PSD3: variants seen among roughly 807,000 people sequenced by gnomAD.
PSD3 encodes the protein PH and SEC7 domain-containing protein 3.
Under a neutral mutation model 105.5 loss-of-function variants are expected in PSD3, and 49 were observed. That is an observed-to-expected ratio of 0.46 (90% CI 0.37 to 0.59). PSD3 has a LOEUF of 0.59. PSD3 is among the 20% of genes least tolerant of loss of function. The probability of loss-of-function intolerance (pLI) is 0.00; values close to 1 mark genes in which losing one functional copy is unlikely to be tolerated. For missense variants in PSD3, 1,561 were observed against 1,263.8 expected, an observed-to-expected ratio of 1.24 and a Z score of -3.57; for synonymous variants, 557 against 457.8, an observed-to-expected ratio of 1.22 and a Z score of -2.77.
At chr8:18,693,275 C>T (rs1801071628) in intron 9 of PSD3, among the ~76,000 whole-genome samples, 1 of 152,218 alleles carries the variant, frequency 6.6e-6, no homozygotes, top group Admixed American at 6.5e-5. Flanking sequence ...TACTCTGCCT[C>T]ATCCAAATTT....
At chr8:18,908,370 T>A (rs1034050049) in intron 2 of PSD3, among the ~76,000 whole-genome samples, 1 of 152,218 alleles carries the variant, frequency 6.6e-6, no homozygotes, top group Non-Finnish European at 1.5e-5. Flanking sequence ...TAGTCAATAA[T>A]CTACTATCCT....
intron 14 of PSD3, among the ~76,000 whole-genome samples, chr8:18,562,312 T>C (rs557381762): frequency 1.3e-5 from 2 of 152,244 alleles, no homozygotes; most frequent in South Asian, 4.1e-4. Context: ...AAGATGGAGA[T>C]CCAGAGAGTT....
intron 1 of PSD3, among the ~76,000 whole-genome samples, chr8:18,961,209 G>A: frequency 6.6e-6 from 1 of 152,154 alleles, no homozygotes; most frequent in East Asian, 1.9e-4. Flanking sequence ...TAAATCTGAA[G>A]AACTCTTAAT....
At chr8:18,696,700 C>A (rs943065662) in intron 9 of PSD3, among the ~76,000 whole-genome samples, 1 of 152,116 alleles carries the variant, frequency 6.6e-6, no homozygotes, top group Non-Finnish European at 1.5e-5. Flanking sequence ...ATAAGAAATA[C>A]TCCATTTTTA....
chr8:18,599,984 C>T (rs1284336213), intron 12 of PSD3, among the ~76,000 whole-genome samples: 1 of 152,170 alleles, frequency 6.6e-6, no homozygotes, highest in Non-Finnish European at 1.5e-5. Flanking sequence ...TCACTGTTCT[C>T]TGGGGCTAGT....
chr8:18,551,411 T>A (rs1040571641), intron 15 of PSD3, among the ~76,000 whole-genome samples: 1 of 152,238 alleles, frequency 6.6e-6, no homozygotes, highest in Non-Finnish European at 1.5e-5. Flanking sequence ...GAATAGAATG[T>A]ATTCTTTTTT....
At chr8:18,837,626 C>T (rs9325843) in intron 4 of PSD3, among the ~76,000 whole-genome samples, 74,056 of 151,814 alleles carry the variant, frequency 0.49, 18,245 homozygotes, top group African/African-American at 0.51. Context: ...TAGATAGTAA[C>T]TGAAATGAGA....
At chr8:18,639,810 C>T (rs1432566743) in intron 10 of PSD3, among the ~76,000 whole-genome samples, 1 of 152,130 alleles carries the variant, frequency 6.6e-6, no homozygotes, top group Non-Finnish European at 1.5e-5. Context: ...GCTACCTCAC[C>T]ACAGCTTCAG....
chr8:18,902,810 G>A (rs142025973), intron 2 of PSD3, among the ~76,000 whole-genome samples: 13 of 152,304 alleles, frequency 8.5e-5, no homozygotes, highest in South Asian at 2.1e-4. Context: ...CCTCAGTGGC[G>A]TATGTTGTAG....
intron 1 of PSD3, among the ~76,000 whole-genome samples, chr8:19,033,358 G>T (rs574149516): frequency 6.6e-6 from 1 of 152,022 alleles, no homozygotes; most frequent in South Asian, 2.1e-4. Flanking sequence ...ATTGATTATA[G>T]AACAGCTAAC....
intron 9 of PSD3, among the ~76,000 whole-genome samples, chr8:18,676,914 T>C (rs1475096328): frequency 6.6e-6 from 1 of 152,176 alleles, no homozygotes; most frequent in African/African-American, 2.4e-5. Flanking sequence ...CCATGTTAAT[T>C]TCCATTACAT....
At chr8:18,902,622 G>C (rs186540340) in intron 2 of PSD3, among the ~76,000 whole-genome samples, 188 of 151,972 alleles carry the variant, frequency 1.2e-3, no homozygotes, top group African/African-American at 4.0e-3. Context: ...ATGTCTGGTG[G>C]AACGGTAGCC....
At chr8:18,621,073 C>G (rs1806077719) in intron 11 of PSD3, among the ~76,000 whole-genome samples, 1 of 152,110 alleles carries the variant, frequency 6.6e-6, no homozygotes, top group African/African-American at 2.4e-5. Flanking sequence ...TTTTTTGGTG[C>G]TATAAGATTG....
rs558951810 is a variant in PSD3, at chr8:18,769,443, G to T, written c.2083-3905C>A. Among the ~76,000 whole-genome samples the T allele has an allele frequency of 3.9e-5, 6 of 152,252 alleles. 1 individual carries two copies. The highest frequency in any genetic ancestry group is 1.4e-4 in the African/African-American group (6 of 41,552). On this transcript the variant is annotated intron_variant, in intron 8 of 15. Transcript: ENST00000327040. ...AAAAAGTGTGTTAATTTTGTTACAT[G>T]ATGATAGCATCAACTACTATAACTT...
At chr8:18,612,396 C>T (rs1055465689) in intron 11 of PSD3, among the ~76,000 whole-genome samples, 17 of 151,442 alleles carry the variant, frequency 1.1e-4, no homozygotes, top group Admixed American at 2.0e-4. Context: ...TCTTTTGAGA[C>T]GGAGTCTTGC....
At chr8:18,960,124 T>C (rs926853821) in intron 1 of PSD3, among the ~76,000 whole-genome samples, 6 of 152,228 alleles carry the variant, frequency 3.9e-5, no homozygotes, top group Admixed American at 2.6e-4. Flanking sequence ...TCTCGTATAC[T>C]GATAGCAGTT....
intron 2 of PSD3, among the ~76,000 whole-genome samples, chr8:18,907,979 T>C (rs1819957266): frequency 1.3e-5 from 2 of 152,230 alleles, no homozygotes; most frequent in Non-Finnish European, 2.9e-5. Context: ...AAATTTTAAG[T>C]ATGCAACGTG....
chr8:18,568,608 G>A lies in PSD3; in HGVS notation c.2784+3920C>T, dbSNP rs527948535. ...AAGGTCTCTCAAGCACTTTCACTAC[G>A]ATCCATTTCTTCTGCAGCTACCTTG... On this transcript the variant is annotated intron_variant, in intron 14 of 15. Coordinates refer to ENST00000327040, the MANE Select transcript of PSD3 (RefSeq NM_015310.4). Among the ~76,000 whole-genome samples the A allele has an allele frequency of 9.9e-5, 15 of 152,146 alleles. No individual in the cohort carries two copies. In the South Asian group the frequency reaches 2.1e-3, roughly 21 times the overall value.
chr8:18,989,122 C>A (rs533326610), intron 1 of PSD3, among the ~76,000 whole-genome samples: 1 of 152,198 alleles, frequency 6.6e-6, no homozygotes, highest in African/African-American at 2.4e-5. Context: ...CCAGAGATGA[C>A]AAAGGCCATG....
Sources: allele counts gnomAD v4.1 joint callset (sites outside exome capture counted in the v4.1 genomes callset), GRCh38; gene constraint gnomAD v4.1.1; transcripts MANE v1.5; gene names NCBI Gene and HGNC (gene_info 2026-07-23, HGNC 2026-07-21).